GAA: variants seen among roughly 807,000 people sequenced by gnomAD.
GAA encodes alpha glucosidase.
A neutral mutation model predicts 103.9 loss-of-function variants in GAA; 88 were observed. The ratio of observed to expected loss-of-function variants is 0.85; its 90% CI spans 0.71 to 1.01. GAA has a LOEUF of 1.01. GAA is among the 50% of genes least tolerant of loss of function. GAA has a pLI of 0.00. For synonymous variants in GAA, 572 were observed against 563.1 expected (o/e 1.02, Z -0.22); for missense variants, 1,350 against 1,305.3 (o/e 1.03, Z -0.53).
Position 80,105,036 on chromosome 17 carries a change from C to G in GAA, c.450C>G (p.Ala150=), listed in dbSNP as rs752367410. The G allele has an allele frequency of 9.9e-6, 16 of 1,612,868 alleles. No homozygotes were observed. Among genetic ancestry groups the G allele is most frequent in the African/African-American group, 2.7e-5 (2 of 74,938 alleles). ...GCTCCTCTGAAATGGGCTACACGGC[C>G]ACCCTGACCCGTACCACCCCCACCT... The part of the protein sequence containing the change: ...NLSSSEMGYT[A]TLTRTTPTFF... The change falls in exon 2 of 20, where the codon GCC becomes GCG. Residue 150 remains alanine (A), a synonymous_variant. Transcript: ENST00000302262.
At chr17:80,118,613 C>T (rs781150433) in intron 18 of GAA, 40 bp from the exon 19 acceptor site, 31 of 1,608,628 alleles carry the variant, frequency 1.9e-5, no homozygotes, top group Non-Finnish European at 2.5e-5. Flanking sequence ...GCTGACACCT[C>T]CACATTCTCT....
chr17:80,105,071 A>G lies in GAA; in HGVS notation c.485A>G (p.Lys162Arg), dbSNP rs1205319348. ...LTRTTPTFFP[K>R]DILTLRLDVM... ...CGTACCACCCCCACCTTCTTCCCCA[A>G]GGACATCCTGACCCTGCGGCTGGAC... The change falls in exon 2 of 20, where the codon AAG becomes AGG. Residue 162 changes from lysine to arginine, a missense_variant. By Grantham distance (26) the Lys-to-Arg change is conservative. Coordinates refer to ENST00000302262, the MANE Select transcript of GAA (RefSeq NM_000152.5). 6 of 1,612,694 alleles carry G rather than the reference A, an allele frequency of 3.7e-6. No individual in the cohort carries two copies. The highest frequency in any genetic ancestry group is 1.7e-5 in the Admixed American group (1 of 60,028).
rs750905127 is a variant in GAA, at chr17:80,113,376, C to T, written c.2189+10C>T. The stretch of plus-strand genomic sequence containing the variant: ...GGCCCCTCTTCCTGGAGTGAGTGAC[C>T]TAGGCAGGGGCGGTGGCCCATGTGT... On this transcript the variant is annotated intron_variant, in intron 15 of 19. Transcript: ENST00000302262. 58 of 1,561,452 alleles carry T rather than the reference C, an allele frequency of 3.7e-5. No individual in the cohort carries two copies. The South Asian group carries it at 6.8e-4, about 18-fold the overall frequency.
At position 80,110,743 on chromosome 17, in the gene GAA, C is replaced by G; in HGVS notation, c.1454C>G (p.Thr485Ser). ...GTTGTCCAGGTATGGCCCGGGTCCA[C>G]TGCCTTCCCCGACTTCACCAACCCC... is the stretch of plus-strand genomic sequence containing the variant. The part of the protein sequence containing the change: ...PLIGKVWPGS[T>S]AFPDFTNPTA... The change falls in exon 10 of 20, where the codon ACT becomes AGT. Residue 485 changes from threonine (T) to serine (S), a missense_variant. Physicochemically the swap from Thr to Ser is moderately conservative, Grantham distance 58 (BLOSUM62 1). Transcript: ENST00000302262. 6.2e-7 allele frequency: 1 copy of G among 1,614,072 alleles called. No individual in the cohort carries two copies. The highest frequency in any genetic ancestry group is 1.1e-5 in the South Asian group (1 of 91,078).
intron 2 of GAA, 118 bp downstream of exon 2, chr17:80,105,250 G>C: frequency 9.5e-7 from 1 of 1,049,338 alleles, no homozygotes; most frequent in South Asian, 1.6e-5. Context: ...GGCCCTTGCT[G>C]GGAGCGGAGG....
Position 80,104,792 on chromosome 17 carries a change from A to G in GAA, c.206A>G (p.Gln69Arg), listed in dbSNP as rs767191385. ...AGCAGACCAGGGCCCCGGGATGCCC[A>G]GGCACACCCCGGCCGTCCCAGAGCA... ...GASRPGPRDA[Q>R]AHPGRPRAVP... Residue 69 changes from glutamine (Q) to arginine (R), a missense_variant, in exon 2 of 20, where the codon CAG becomes CGG. Transcript: ENST00000302262. The surrounding 1 kb of genome is among the most constrained non-coding windows in gnomAD (Gnocchi z 4.0). 4 of 1,611,854 alleles carry G rather than the reference A, an allele frequency of 2.5e-6. No individual in the cohort carries two copies. Among genetic ancestry groups the G allele is most frequent in the Middle Eastern group, 1.6e-4 (1 of 6,082 alleles).
rs142766716 is a variant in GAA, at chr17:80,110,988, C to T, written c.1599C>T (p.Cys533=). 87 of 1,613,850 alleles carry T rather than the reference C, an allele frequency of 5.4e-5. No individual in the cohort carries two copies. In the African/African-American group the frequency reaches 1.0e-3, roughly 19 times the overall value. The change falls in exon 11 of 20, where the codon TGC becomes TGT. Residue 533 remains cysteine, a synonymous_variant. Coordinates refer to ENST00000302262, the MANE Select transcript of GAA (RefSeq NM_000152.5). Reference sequence around the variant, plus strand: ...TCATCAGGGGCTCTGAGGACGGCTGCCCCAACAATGAGCTGGAGAACCCAC... The same window carrying T: ...TCATCAGGGGCTCTGAGGACGGCTGTCCCAACAATGAGCTGGAGAACCCAC... ...SNFIRGSEDG[C]PNNELENPPY...
At chr17:80,114,429 T>C (rs1336782939) in intron 15 of GAA, among the ~76,000 whole-genome samples, 4 of 152,086 alleles carry the variant, frequency 2.6e-5, no homozygotes, top group Admixed American at 6.6e-5. Context: ...ACTTTTTTTT[T>C]TTTTTTTTTA....
chr17:80,117,017 G>A lies in GAA; in HGVS notation c.2239G>A (p.Gly747Arg). 6.2e-7 allele frequency: 1 copy of A among 1,613,724 alleles called. No individual in the cohort carries two copies. The highest frequency in any genetic ancestry group is 8.5e-7 in the Non-Finnish European group (1 of 1,180,032). ...GACTGTGGACCACCAGCTCCTGTGG[G>A]GGGAGGCCCTGCTCATCACCCCAGT... ...TWTVDHQLLW[G>R]EALLITPVLQ... is the part of the protein sequence containing the mutation. Residue 747 changes from glycine (G) to arginine (R), a missense_variant, in exon 16 of 20, where the codon GGG becomes AGG. Coordinates refer to ENST00000302262, the MANE Select transcript of GAA (RefSeq NM_000152.5).
chr17:80,118,933 G>T, intron 19 of GAA, 128 bp downstream of exon 19: 1 of 1,176,988 alleles, frequency 8.5e-7, no homozygotes, highest in East Asian at 2.5e-5. Context: ...GGGGTCTTTG[G>T]GGAGGAGTGG....
rs12452263 is a variant in GAA, at chr17:80,105,511, T to C, written c.547-238T>C. Among the ~76,000 whole-genome samples, 31,000 of 152,172 alleles carry C rather than the reference T, an allele frequency of 0.2. 3,854 individuals carry two copies. The highest frequency in any genetic ancestry group is 0.28 in the Non-Finnish European group (18,917 of 67,968). On this transcript the variant is annotated intron_variant, in intron 2 of 19. Coordinates refer to ENST00000302262, the MANE Select transcript of GAA (RefSeq NM_000152.5). ...TATTTATACTAGAAAAGCTGCTTGTTGTTTATCTGAAATTCAGAGTTATCA... is the reference window on the plus strand; with the variant it reads ...TATTTATACTAGAAAAGCTGCTTGTCGTTTATCTGAAATTCAGAGTTATCA...
intron 2 of GAA, 59 bp from the exon 3 acceptor site, chr17:80,105,690 T>C (rs2039065758): frequency 1.9e-6 from 3 of 1,598,514 alleles, no homozygotes; most frequent in Non-Finnish European, 2.6e-6. Context: ...GGCGTGCGGG[T>C]TGTTCTCTGG....
rs774470696 is a variant in GAA at position 80,117,696 on chromosome 17, C to T, written c.2428C>T (p.Pro810Ser). 1 of 1,612,400 alleles carries T rather than the reference C, an allele frequency of 6.2e-7. No homozygotes were observed. Among genetic ancestry groups the T allele is most frequent in the South Asian group, 1.1e-5 (1 of 91,042 alleles). ...GGGGCAGTGGGTGACGCTGCCGGCC[C>T]CCCTGGACACCATCAACGTCCACCT... ...SEGQWVTLPAPLDTINVHLRA... is the reference protein window; with the variant it reads ...SEGQWVTLPASLDTINVHLRA... The change falls in exon 17 of 20, where the codon CCC becomes TCC. Residue 810 changes from proline (P) to serine (S), a missense_variant. By Grantham distance (74) the Pro-to-Ser change is moderately conservative. Transcript: ENST00000302262.
At chr17:80,108,197 TC>T (rs747100906) in intron 5 of GAA, 92 bp from the exon 6 acceptor site, 3 of 1,605,152 alleles carry the variant, frequency 1.9e-6, no homozygotes, top group Non-Finnish European at 2.6e-6. Flanking sequence ...GGAGAGAGCC[TC>T]AACTCTCCGC....
Position 80,117,249 on chromosome 17 carries a change from C to A in GAA, c.2331+140C>A, listed in dbSNP as rs563453761. ...GTCCCGGCCATGTGCCAGGCCCCCA[C>A]CCGGCTGCTCCGCACCCATCAGCCT... On this transcript the variant is annotated intron_variant, in intron 16 of 19. Coordinates refer to ENST00000302262, the MANE Select transcript of GAA (RefSeq NM_000152.5). 9 of 894,636 alleles carry A rather than the reference C, an allele frequency of 1.0e-5. No individual in the cohort carries two copies. In the East Asian group the frequency reaches 1.3e-4, roughly 13 times the overall value. The allele number at this position is 894,636 out of a possible 1,614,324, so 55.4% of individuals were successfully genotyped here.
Position 80,110,924 on chromosome 17 carries a change from C to T in GAA, c.1552-17C>T. On this transcript the variant is annotated splice_polypyrimidine_tract_variant and intron_variant, in intron 10 of 19. Transcript: ENST00000302262. Reference sequence around the variant, plus strand: ...CACTCTGGGCAGAGTCACCTACCAGCAGCGCTTCTCTTGCAGGACATGAAC... The same window carrying T: ...CACTCTGGGCAGAGTCACCTACCAGTAGCGCTTCTCTTGCAGGACATGAAC... 6.2e-7 allele frequency: 1 copy of T among 1,613,888 alleles called. No homozygotes were observed. Among genetic ancestry groups the T allele is most frequent in the Admixed American group, 1.7e-5 (1 of 60,014 alleles).
In GAA at chr17:80,104,866, C is replaced by A. The variant is rs749496973; in HGVS notation, c.280C>A (p.Pro94Thr). Residue 94 changes from proline to threonine, a missense_variant, in exon 2 of 20, where the codon CCT (proline) becomes ACT (threonine). Physicochemically the swap from Pro to Thr is conservative, Grantham distance 38 (BLOSUM62 -1). Coordinates refer to ENST00000302262, the MANE Select transcript of GAA (RefSeq NM_000152.5). The surrounding 1 kb of genome is among the most constrained non-coding windows in gnomAD (Gnocchi z 4.0). ...VPPNSRFDCA[P>T]DKAITQEQCE... ...CCCCAACAGCCGCTTCGATTGCGCCCCTGACAAGGCCATCACCCAGGAACA... is the reference window on the plus strand; with the variant it reads ...CCCCAACAGCCGCTTCGATTGCGCCACTGACAAGGCCATCACCCAGGAACA... 58 of 1,612,904 alleles carry A rather than the reference C, an allele frequency of 3.6e-5. No homozygotes were observed. The highest frequency in any genetic ancestry group is 4.5e-5 in the Non-Finnish European group (53 of 1,179,952).
Position 80,112,066 on chromosome 17 carries a change from C to G in GAA, c.1720C>G (p.Leu574Val). 6.2e-7 allele frequency: 1 copy of G among 1,614,118 alleles called. No individual in the cohort carries two copies. Among genetic ancestry groups the G allele is most frequent in the Non-Finnish European group, 8.5e-7 (1 of 1,179,984 alleles). The change falls in exon 12 of 20, where the codon CTC (leucine) becomes GTC (valine). Residue 574 changes from leucine (L) to valine (V), a missense_variant. Leu to Val is a conservative substitution (Grantham distance 32). Transcript: ENST00000302262. ...CTCCACACACTACAACCTGCACAAC[C>G]TCTACGGCCTGACCGAAGCCATCGC... is the stretch of plus-strand genomic sequence containing the variant. Reference protein sequence around the residue: ...FLSTHYNLHNLYGLTEAIASH... With the variant: ...FLSTHYNLHNVYGLTEAIASH...
chr17:80,108,741 C>T lies in GAA; in HGVS notation c.1239C>T (p.Asp413=), dbSNP rs2039158556. 6.2e-7 allele frequency: 1 copy of T among 1,612,310 alleles called. No individual in the cohort carries two copies. Among genetic ancestry groups the T allele is most frequent in the Non-Finnish European group, 8.5e-7 (1 of 1,179,718 alleles). The change falls in exon 8 of 20, where the codon GAC becomes GAT. Residue 413 remains aspartate, a synonymous_variant. Transcript: ENST00000302262. ...TGGACTACATGGACTCCCGGAGGGACTTCACGTTCAACAAGGATGGCTTCC... is the reference window on the plus strand; with the variant it reads ...TGGACTACATGGACTCCCGGAGGGATTTCACGTTCAACAAGGATGGCTTCC... The part of the protein sequence containing the change: ...NDLDYMDSRR[D]FTFNKDGFRD...
Sources: gnomAD v4.1 joint callset for allele counts (sites outside exome capture counted in the v4.1 genomes callset) on GRCh38, gnomAD v4.1.1 for gene constraint, Gnocchi (gnomAD v3.1) non-coding constraint, MANE v1.5 for transcripts, NCBI Gene and HGNC (gene_info 2026-07-23, HGNC 2026-07-21) for gene names.